Variants in CUX1 observed in about 807,000 individuals in gnomAD.
CUX1 encodes protein CASP.
A neutral mutation model predicts 158.8 loss-of-function variants in CUX1; 31 were observed. The ratio of observed to expected loss-of-function variants is 0.20; its 90% CI spans 0.15 to 0.26. The LOEUF is 0.26. CUX1 is among the 10% of genes least tolerant of loss of function. The pLI is 1.00. For missense variants in CUX1, 1,589 were observed against 2,014.6 expected, an observed-to-expected ratio of 0.79 and a Z score of 4.04; for synonymous variants, 879 against 862.1, an observed-to-expected ratio of 1.02 and a Z score of -0.34.
chr7:102,108,007 G>A (rs1389143452), intron 6 of CUX1, among the ~76,000 whole-genome samples: 4 of 152,202 alleles, frequency 2.6e-5, no homozygotes, highest in African/African-American at 4.8e-5. Context: ...CCGTTGATAC[G>A]GATTTGGTCC....
intron 1 of CUX1, among the ~76,000 whole-genome samples, chr7:101,871,679 T>C (rs1399387696): frequency 6.6e-6 from 1 of 152,058 alleles, no homozygotes; most frequent in Non-Finnish European, 1.5e-5. Context: ...GGTGGTGGCA[T>C]GTGTGGTCAC....
In CUX1 at chr7:102,196,775, G is replaced by T; in HGVS notation, c.1364G>T (p.Gly455Val). The T allele has an allele frequency of 5.0e-6, 8 of 1,614,082 alleles. No homozygotes were observed. Among genetic ancestry groups the T allele is most frequent in the Non-Finnish European group, 6.8e-6 (8 of 1,180,044 alleles). ...TNGTHQFSPA[G>V]LSQDFFSSSL... ...GGTACACACCAGTTCTCACCAGCGG[G>T]GTTAAGTCAAGACTTTTTCAGCTCA... The change falls in exon 15 of 24, where the codon GGG (glycine) becomes GTG (valine). Residue 455 changes from glycine (G) to valine (V), a missense_variant. Gly to Val is a moderately radical substitution (Grantham distance 109, BLOSUM62 -3). Transcript: ENST00000292535.
chr7:101,886,784 C>T (rs778067090), intron 1 of CUX1, among the ~76,000 whole-genome samples: 2 of 152,046 alleles, frequency 1.3e-5, no homozygotes, highest in African/African-American at 2.4e-5. Context: ...AGGCTGGGCA[C>T]GGCCACCTGC....
At position 101,817,848 on chromosome 7, in the gene CUX1, T is replaced by G. The variant is rs1314156187; in HGVS notation, c.30+179T>G. ...GCAGCTACTCCCAACTGCTAAGGTGTGCGTGAAGATAAACTTGGCTGAACT... is the reference window on the plus strand; with the variant it reads ...GCAGCTACTCCCAACTGCTAAGGTGGGCGTGAAGATAAACTTGGCTGAACT... On this transcript the variant is annotated intron_variant, in intron 1 of 23. Coordinates refer to ENST00000292535, the MANE Select transcript of CUX1 (RefSeq NM_181552.4). This position sits in a 1 kb window ranked among gnomAD's most constrained non-coding sequence, Gnocchi z 4.1. Among the ~76,000 whole-genome samples, 1 of 152,154 alleles carries G rather than the reference T, an allele frequency of 6.6e-6. No homozygotes were observed. Among genetic ancestry groups the G allele is most frequent in the Non-Finnish European group, 1.5e-5 (1 of 68,014 alleles).
intron 3 of CUX1, 26 bp downstream of exon 3, chr7:102,028,171 C>A (rs1169874708): frequency 6.2e-7 from 1 of 1,612,060 alleles, no homozygotes; most frequent in East Asian, 2.2e-5. Flanking sequence ...CATTTTCTAT[C>A]CTGAGCCACC....
intron 8 of CUX1, among the ~76,000 whole-genome samples, chr7:102,151,219 G>A (rs951068755): frequency 1.3e-5 from 2 of 152,088 alleles, no homozygotes; most frequent in Admixed American, 6.6e-5. Flanking sequence ...TAATTCAGTG[G>A]GGGGAGGAGG....
chr7:102,204,252 C>A, intron 18 of CUX1, 139 bp from the exon 19 acceptor site: 2 of 1,108,552 alleles, frequency 1.8e-6, no homozygotes, highest in Non-Finnish European at 2.6e-6. Context: ...CAAGCTGTCA[C>A]CGCCACCAGG....
At chr7:102,237,397 TCCCA>T (rs1554533270) in intron 22 of CUX1, among the ~76,000 whole-genome samples, 9 of 150,978 alleles carry the variant, frequency 6.0e-5, no homozygotes, top group African/African-American at 2.2e-4. Flanking sequence ...GATCCTCCCA[TCCCA>T]GCTACCCGAG....
intron 1 of CUX1, among the ~76,000 whole-genome samples, chr7:101,912,419 C>G (rs926091824): frequency 6.6e-6 from 1 of 152,160 alleles, no homozygotes; most frequent in Non-Finnish European, 1.5e-5. Context: ...CAGACCGTAA[C>G]GCAGAGGCTC....
intron 8 of CUX1, among the ~76,000 whole-genome samples, chr7:102,148,360 G>A (rs1427223036): frequency 1.3e-5 from 2 of 152,112 alleles, no homozygotes; most frequent in Admixed American, 6.6e-5. Context: ...CCAACATGGT[G>A]AAACCCCGTC....
At chr7:101,914,952 A>G (rs1804006966) in intron 1 of CUX1, among the ~76,000 whole-genome samples, 1 of 152,084 alleles carries the variant, frequency 6.6e-6, no homozygotes, top group East Asian at 1.9e-4. Flanking sequence ...GGACTTGGTG[A>G]GCTGGGTGGT....
At chr7:102,278,002 C>T (rs782079717) in exon 18 of CUX1, 1 of 1,607,582 alleles carries the variant, frequency 6.2e-7, no homozygotes, top group Non-Finnish European at 8.5e-7. Flanking sequence ...AGCTGGACAG[C>T]CTGCGCGCCG....
In CUX1 at chr7:102,090,197, G is replaced by A. The variant is rs191781156; in HGVS notation, c.269-7167G>A. Among the ~76,000 whole-genome samples the A allele has an allele frequency of 5.3e-5, 8 of 152,218 alleles. No individual in the cohort carries two copies. In the East Asian group the frequency reaches 1.4e-3, roughly 26 times the overall value. On this transcript the variant is annotated intron_variant, in intron 4 of 23. Coordinates refer to ENST00000292535, the MANE Select transcript of CUX1 (RefSeq NM_181552.4). ...ATTATTGGCTATCTTTACAAAAATAGGATTCATATTTATGAAATCTAGGTA... is the reference window on the plus strand; with the variant it reads ...ATTATTGGCTATCTTTACAAAAATAAGATTCATATTTATGAAATCTAGGTA...
chr7:102,236,984 C>A (rs1456652633), intron 22 of CUX1, among the ~76,000 whole-genome samples: 2 of 152,130 alleles, frequency 1.3e-5, no homozygotes, highest in Admixed American at 6.5e-5. Flanking sequence ...CTGGGGGTGC[C>A]GGCCACAAAG....
intron 2 of CUX1, chr7:101,961,619 G>A (rs1178325487): frequency 8.5e-6 from 1 of 117,524 alleles, no homozygotes; most frequent in African/African-American, 3.4e-5. Flanking sequence ...GGTGGCTCAA[G>A]CCTGTAATCC....
At position 102,254,624 on chromosome 7, in the gene CUX1, C is replaced by G; in HGVS notation, c.*5582C>G. 1.0e-6 allele frequency: 1 copy of G among 985,504 alleles called. No individual in the cohort carries two copies. 61.0% of individuals were successfully genotyped at this position (985,504 alleles called of 1,614,324 possible). A position where few individuals can be genotyped will look rare whatever the true frequency, so the allele number is the denominator to read the frequency against. ...AGAACCTAAGGATGGGGACAGCATC[C>G]TGTGCTTGGGCATTGACCAGCCAAA... On this transcript the variant is annotated 3_prime_UTR_variant, in exon 24 of 24. Transcript: ENST00000292535.
chr7:102,278,674 TAAAATAAAA>T (rs1563531381), intron 18 of CUX1, among the ~76,000 whole-genome samples: 3 of 124,338 alleles, frequency 2.4e-5, no homozygotes, highest in African/African-American at 8.8e-5. Context: ...AAATAAAATA[TAAAATAAAA>T]TAAATAAAAT....
At chr7:102,208,856 G>C (rs945456442) in intron 20 of CUX1, among the ~76,000 whole-genome samples, 1 of 152,220 alleles carries the variant, frequency 6.6e-6, no homozygotes, top group East Asian at 1.9e-4. Flanking sequence ...TTGCAAGCCC[G>C]GCTTGGCTTC....
intron 2 of CUX1, among the ~76,000 whole-genome samples, chr7:102,020,314 A>T (rs891916468): frequency 6.6e-6 from 1 of 152,216 alleles, no homozygotes; most frequent in Non-Finnish European, 1.5e-5. Context: ...TCATCTTCAG[A>T]TGAGATGGGA....
Sources: allele counts gnomAD v4.1 joint callset (sites outside exome capture counted in the v4.1 genomes callset), GRCh38; gene constraint gnomAD v4.1.1; non-coding constraint Gnocchi (gnomAD v3.1); transcripts MANE v1.5; gene names NCBI Gene and HGNC (gene_info 2026-07-23, HGNC 2026-07-21).